The following NRXN1 variants were observed in gnomAD, a reference collection of about 807,000 sequenced individuals.
NRXN1 encodes neurexin-1.
Under a neutral mutation model 150.9 loss-of-function variants are expected in NRXN1, and 39 were observed. The ratio of observed to expected loss-of-function variants is 0.26; its 90% confidence interval spans 0.20 to 0.34. The LOEUF is 0.34. NRXN1 is among the 10% of genes least tolerant of loss of function. The pLI is 1.00. For synonymous variants in NRXN1, 924 were observed against 757.0 expected, an observed-to-expected ratio of 1.22 and a Z score of -3.62; for missense variants, 1,815 against 1,949.9, an observed-to-expected ratio of 0.93 and a Z score of 1.30.
intron 5 of NRXN1, among the ~76,000 whole-genome samples, chr2:50,882,915 G>A (rs1177311336): frequency 6.6e-6 from 1 of 151,664 alleles, no homozygotes; most frequent in Non-Finnish European, 1.5e-5. Flanking sequence ...AAAACATATT[G>A]TGAAAAGAAA....
chr2:50,925,313 G>C (rs755552709), intron 3 of NRXN1, among the ~76,000 whole-genome samples: 4 of 151,790 alleles, frequency 2.6e-5, no homozygotes, highest in Non-Finnish European at 4.4e-5. Flanking sequence ...TTCCTTGACA[G>C]AGATAATTTT....
intron 16 of NRXN1, among the ~76,000 whole-genome samples, chr2:50,469,803 T>C (rs983468460): frequency 4.6e-5 from 7 of 150,680 alleles, no homozygotes; most frequent in Non-Finnish European, 8.9e-5. Context: ...CTCAGATATA[T>C]AAAGCATTCT....
chr2:50,480,487 C>T (rs1203641284), intron 15 of NRXN1, among the ~76,000 whole-genome samples: 3 of 152,146 alleles, frequency 2.0e-5, no homozygotes, highest in African/African-American at 7.2e-5. Context: ...GACTCATCTG[C>T]TCTGTTATTA....
chr2:51,010,225 A>C (rs1265789146), intron 2 of NRXN1, among the ~76,000 whole-genome samples: 1 of 151,994 alleles, frequency 6.6e-6, no homozygotes, highest in Non-Finnish European at 1.5e-5. Context: ...TGCACTTATA[A>C]ATATTTATCC....
At chr2:49,995,460 T>C (rs1191537478) in intron 21 of NRXN1, among the ~76,000 whole-genome samples, 1 of 152,110 alleles carries the variant, frequency 6.6e-6, no homozygotes, top group Non-Finnish European at 1.5e-5. Flanking sequence ...ACTGTTCATA[T>C]CATTTTCAAC....
chr2:50,070,769 CAA>C (rs546500232), intron 19 of NRXN1, among the ~76,000 whole-genome samples: 4 of 94,088 alleles, frequency 4.3e-5, no homozygotes, highest in Non-Finnish European at 4.1e-5. Context: ...GACTCCGTCT[CAA>C]AAAAAAAAAA....
intron 5 of NRXN1, among the ~76,000 whole-genome samples, chr2:50,644,841 T>A (rs541506137): frequency 4.9e-5 from 7 of 143,816 alleles, no homozygotes; most frequent in African/African-American, 1.9e-4. Flanking sequence ...GGTAGGATAT[T>A]TATATTTATA....
At chr2:50,297,977 G>T (rs2073782051) in intron 17 of NRXN1, among the ~76,000 whole-genome samples, 1 of 152,090 alleles carries the variant, frequency 6.6e-6, no homozygotes, top group Non-Finnish European at 1.5e-5. Flanking sequence ...CTCAGGGTTT[G>T]TATCCTCCTT....
chr2:50,938,457 C>T (rs1179338643), intron 2 of NRXN1, among the ~76,000 whole-genome samples: 1 of 152,124 alleles, frequency 6.6e-6, no homozygotes, highest in Non-Finnish European at 1.5e-5. Flanking sequence ...TCCAAACTTT[C>T]CCATATCTTC....
chr2:50,163,185 T>TAA (rs1553695199), intron 18 of NRXN1, among the ~76,000 whole-genome samples: 2,296 of 146,414 alleles, frequency 0.016, 36 homozygotes, highest in African/African-American at 0.035. Context: ...TATATATATA[T>TAA]AAAACAATAC....
chr2:50,602,093 T>C (rs868329686), intron 8 of NRXN1, among the ~76,000 whole-genome samples: 15 of 152,190 alleles, frequency 9.9e-5, no homozygotes, highest in African/African-American at 3.6e-4. Context: ...TTTTATTTTC[T>C]TTAAAATTTT....
chr2:51,001,205 A>G (rs1246020414), intron 2 of NRXN1, among the ~76,000 whole-genome samples: 1 of 117,112 alleles, frequency 8.5e-6, no homozygotes, highest in Admixed American at 1.2e-4. Context: ...GGTTCCAACC[A>G]CATACGTACA....
At position 50,146,317 on chromosome 2, in the gene NRXN1, C is replaced by A. The variant is rs1708001866; in HGVS notation, c.3547-54823G>T. ...TAGAAATACCATTTGACCCAGCAAT[C>A]CCATTACTGGGTATATACCCAAAGG... is the stretch of plus-strand genomic sequence containing the variant. On this transcript the variant is annotated intron_variant, in intron 18 of 22. Coordinates refer to ENST00000401669, the MANE Select transcript of NRXN1 (RefSeq NM_001330078.2). 2.0e-5 allele frequency among the ~76,000 whole-genome samples: 3 copies of A among 151,664 alleles called. No individual in the cohort carries two copies. The Admixed American group carries it at 2.0e-4, about 10-fold the overall frequency.
chr2:50,908,625 A>C (rs1684075349), intron 5 of NRXN1, among the ~76,000 whole-genome samples: 2 of 151,258 alleles, frequency 1.3e-5, no homozygotes, highest in African/African-American at 2.4e-5. Flanking sequence ...GAACCAAAAA[A>C]TAAAATATGG....
At chr2:50,157,621 G>A (rs752741448) in intron 18 of NRXN1, among the ~76,000 whole-genome samples, 5 of 151,998 alleles carry the variant, frequency 3.3e-5, no homozygotes, top group Non-Finnish European at 7.4e-5. Context: ...TGACAGATTT[G>A]GCCATAGGGA....
intron 9 of NRXN1, among the ~76,000 whole-genome samples, chr2:50,552,089 A>G (rs1251557443): frequency 6.6e-6 from 1 of 152,204 alleles, no homozygotes; most frequent in East Asian, 1.9e-4. Flanking sequence ...GAGCTTTGCC[A>G]CTGTCCTTGA....
At chr2:50,919,757 T>A (rs2094943914) in intron 5 of NRXN1, 1 of 153,528 alleles carries the variant, frequency 6.5e-6, no homozygotes, top group Admixed American at 6.6e-5. Context: ...TTTTTCCAGA[T>A]TTTTTTTTAA....
At chr2:50,012,384 CTTTG>C (rs1303960183) in intron 21 of NRXN1, among the ~76,000 whole-genome samples, 5 of 152,018 alleles carry the variant, frequency 3.3e-5, no homozygotes, top group African/African-American at 4.8e-5. Context: ...ATGTGTTTCT[CTTTG>C]TTTAAGACAA....
intron 17 of NRXN1, among the ~76,000 whole-genome samples, chr2:50,454,302 G>A (rs1313037683): frequency 6.6e-6 from 1 of 151,738 alleles, no homozygotes; most frequent in African/African-American, 2.4e-5. Flanking sequence ...CTCCAGCAAG[G>A]GTGACAGAGT....
Sources: allele counts gnomAD v4.1 joint callset (sites outside exome capture counted in the v4.1 genomes callset), GRCh38; gene constraint gnomAD v4.1.1; transcripts MANE v1.5; gene names NCBI Gene and HGNC (gene_info 2026-07-23, HGNC 2026-07-21).